Variants in TIPIN observed in about 807,000 individuals in gnomAD.
TIPIN encodes the protein TIMELESS-interacting protein.
Under a neutral mutation model 35.6 loss-of-function variants are expected in TIPIN, and 29 were observed. The ratio of observed to expected loss-of-function variants is 0.82; its 90% CI spans 0.61 to 1.11. The LOEUF (loss-of-function observed/expected upper bound fraction) is 1.11. Among genes scored for constraint, TIPIN ranks in the 50% most tolerant of loss-of-function variants. TIPIN has a pLI of 0.00. For missense variants in TIPIN, 296 were observed against 345.4 expected (o/e 0.86, Z 1.13); for synonymous variants, 102 against 121.5 (o/e 0.84, Z 1.06).
chr15:66,349,058 A>G lies in TIPIN; in HGVS notation c.475+2T>C. On this transcript the variant is annotated splice_donor_variant, in intron 6 of 7. Coordinates refer to ENST00000261881, the MANE Select transcript of TIPIN (RefSeq NM_017858.3). LOFTEE classifies it high-confidence loss of function. ...ATAAAGTAGATAAACCTATATTCTT[A>G]CCATTATTGCTAACAAAATCTTCAT... 2 of 1,606,664 alleles carry G rather than the reference A, an allele frequency of 1.2e-6. No individual in the cohort carries two copies. Among genetic ancestry groups the G allele is most frequent in the South Asian group, 1.1e-5 (1 of 90,718 alleles).
At position 66,352,148 on chromosome 15, in the gene TIPIN, G is replaced by GTA; in HGVS notation, c.191_192dup (p.Pro65TyrfsTer9). ...ATGTACCTCTGAGCATCCAGCTTGG[G>GTA]TATATTTCTTTTAACTGTTCTCTTT... On this transcript the variant is annotated frameshift_variant, in exon 3 of 8. Coordinates refer to ENST00000261881, the MANE Select transcript of TIPIN (RefSeq NM_017858.3). LOFTEE classifies it high-confidence loss of function. 2.5e-6 allele frequency: 4 copies of GTA among 1,608,994 alleles called. No homozygotes were observed. Among genetic ancestry groups the GTA allele is most frequent in the Non-Finnish European group, 3.4e-6 (4 of 1,177,620 alleles).
At chr15:66,378,425 G>A (rs539505337) in intron 1 of TIPIN, among the ~76,000 whole-genome samples, 10 of 152,236 alleles carry the variant, frequency 6.6e-5, no homozygotes, top group Admixed American at 2.0e-4. Context: ...GTGAGCCACC[G>A]CGCCCAGCCG....
intron 6 of TIPIN, among the ~76,000 whole-genome samples, chr15:66,348,738 A>G (rs1053107903): frequency 1.3e-5 from 2 of 150,648 alleles, no homozygotes; most frequent in African/African-American, 2.4e-5. Context: ...TGAGGCCAGG[A>G]GTGTGAGAGC....
At chr15:66,364,158 CTTTTTTTTTT>C (rs747825457) in intron 1 of TIPIN, among the ~76,000 whole-genome samples, 1 of 73,782 alleles carries the variant, frequency 1.4e-5, no homozygotes, top group South Asian at 5.0e-4. Flanking sequence ...TCTTTCTTTT[CTTTTTTTTTT>C]TTTTTTTTTT....
chr15:66,382,989 C>G (rs2093323484), intron 1 of TIPIN: 1 of 985,226 alleles, frequency 1.0e-6, no homozygotes, highest in South Asian at 4.7e-5. Context: ...TTGAACTATT[C>G]TGCAAACTTT....
At position 66,356,663 on chromosome 15, in the gene TIPIN, G is replaced by T. The variant is rs554241030; in HGVS notation, c.-33C>A. On this transcript the variant is annotated 5_prime_UTR_variant, in exon 1 of 8. The change creates a new upstream start codon in the 5' untranslated region. Coordinates refer to ENST00000261881, the MANE Select transcript of TIPIN (RefSeq NM_017858.3). ...CCTCACGCAGAAAACACGGGACACA[G>T]CGCGGACCTCGGCGTGCAGACTAAG... The T allele has an allele frequency of 3.0e-5, 30 of 985,694 alleles. No homozygotes were observed. The African/African-American group carries it at 4.9e-4, about 16-fold the overall frequency. The allele number at this position is 985,694 out of a possible 1,614,324, so 61.1% of individuals were successfully genotyped here.
chr15:66,358,978 A>T (rs2093219140), upstream of TIPIN, among the ~76,000 whole-genome samples: 1 of 151,750 alleles, frequency 6.6e-6, no homozygotes, highest in Admixed American at 6.6e-5. Context: ...CAGGAGGCAG[A>T]GATTGCAGTG....
intron 6 of TIPIN, among the ~76,000 whole-genome samples, chr15:66,344,915 G>A (rs545296831): frequency 1.4e-4 from 22 of 152,104 alleles, no homozygotes; most frequent in Non-Finnish European, 2.1e-4. Context: ...TTAGAAGTAC[G>A]CATGAAATTC....
rs962114637 is a variant in TIPIN, at chr15:66,376,654, C to T, written c.-9+9953G>A. ...CATGTTGGCCAGGCTGTCTTGAACT[C>T]CTGACCTCAAGTGACCCCCCCACTC... On this transcript the variant is annotated intron_variant, in intron 1 of 7. Coordinates refer to the TIPIN transcript ENST00000562124. Among the ~76,000 whole-genome samples, 3 of 151,612 alleles carry T rather than the reference C, an allele frequency of 2.0e-5. No homozygotes were observed. In the South Asian group the frequency reaches 6.3e-4, roughly 32 times the overall value.
At chr15:66,349,520 A>G in intron 4 of TIPIN, 83 bp from the exon 5 acceptor site, 3 of 1,523,420 alleles carry the variant, frequency 2.0e-6, no homozygotes, top group South Asian at 1.3e-5. Flanking sequence ...CTGAAAAGCT[A>G]TGCCAAAATC....
At position 66,336,457 on chromosome 15, in the gene TIPIN, G is replaced by A. The variant is rs138206132; in HGVS notation, c.*501C>T. The A allele has an allele frequency of 2.9e-3, 448 of 156,242 alleles. 1 individual carries two copies. The highest frequency in any genetic ancestry group is 0.01 in the African/African-American group (416 of 41,590). 9.7% of individuals were successfully genotyped at this position (156,242 alleles called of 1,614,324 possible). A position where few individuals can be genotyped will look rare whatever the true frequency, so the allele number is the denominator to read the frequency against. ...TAGTCCCAGCTACTCGGGAGGCTAA[G>A]GCAGGAGAATTGCTTGAGCCCAGGA... On this transcript the variant is annotated 3_prime_UTR_variant, in exon 8 of 8. Transcript: ENST00000261881.
chr15:66,357,695 C>T (rs2093212891), upstream of TIPIN, among the ~76,000 whole-genome samples: 1 of 151,292 alleles, frequency 6.6e-6, no homozygotes. Flanking sequence ...CAGTGGCTCA[C>T]GCCTGTAATC....
At chr15:66,342,665 G>A (rs2093097339) in intron 6 of TIPIN, among the ~76,000 whole-genome samples, 1 of 152,102 alleles carries the variant, frequency 6.6e-6, no homozygotes, top group South Asian at 2.1e-4. Context: ...CACCCGGCCA[G>A]TAAAAGGTAA....
At chr15:66,356,466 C>T (rs774043445) in intron 1 of TIPIN, among the ~76,000 whole-genome samples, 173 bp downstream of exon 1, 30 of 152,172 alleles carry the variant, frequency 2.0e-4, no homozygotes, top group South Asian at 4.1e-4. Context: ...CGCCCACCTC[C>T]CCGCCTCTCC....
intron 1 of TIPIN, chr15:66,371,218 A>AT (rs1038779318): frequency 5.1e-6 from 5 of 984,830 alleles, no homozygotes; most frequent in Admixed American, 6.2e-5. Flanking sequence ...AAAAAAAAAA[A>AT]AAAGTGTAAG....
intron 6 of TIPIN, chr15:66,347,390 AT>A (rs751080295): frequency 3.6e-5 from 16 of 438,620 alleles, no homozygotes; most frequent in Non-Finnish European, 7.4e-5. Flanking sequence ...TCCAAGTGAA[AT>A]GCAAACTTTC....
upstream of TIPIN, among the ~76,000 whole-genome samples, chr15:66,358,731 T>C (rs1428814057): frequency 3.3e-5 from 5 of 152,046 alleles, no homozygotes; most frequent in Non-Finnish European, 5.9e-5. Context: ...TTCTGTAGCT[T>C]GAAACATTTT....
At chr15:66,381,394 C>A (rs148503162) in intron 1 of TIPIN, among the ~76,000 whole-genome samples, 1 of 151,956 alleles carries the variant, frequency 6.6e-6, no homozygotes, top group African/African-American at 2.4e-5. Flanking sequence ...GCCCCAATTG[C>A]GCCACGGCAC....
At chr15:66,340,459 G>T (rs1156248365) in intron 7 of TIPIN, among the ~76,000 whole-genome samples, 1 of 151,896 alleles carries the variant, frequency 6.6e-6, no homozygotes, top group Non-Finnish European at 1.5e-5. Context: ...TTACAGGCAT[G>T]AGCCACTGCA....
Sources: allele counts gnomAD v4.1 joint callset (sites outside exome capture counted in the v4.1 genomes callset), GRCh38; gene constraint gnomAD v4.1.1; transcripts MANE v1.5; gene names NCBI Gene and HGNC (gene_info 2026-07-23, HGNC 2026-07-21).